MAP4K1: variants seen among roughly 807,000 people sequenced by gnomAD.
MAP4K1 encodes the protein mitogen-activated protein kinase kinase kinase kinase 1, also known as MAPK/ERK kinase kinase kinase 1.
A neutral mutation model predicts 122.8 loss-of-function variants in MAP4K1; 35 were observed. The observed-to-expected ratio is 0.29, with a 90% confidence interval of 0.22 to 0.38. MAP4K1 has a LOEUF of 0.38. Ranked by LOEUF, MAP4K1 falls within the 10% of genes least tolerant of loss-of-function variation. The pLI is 1.00. For missense variants in MAP4K1, 791 were observed against 1,072.6 expected (o/e 0.74, Z 3.67); for synonymous variants, 412 against 421.3 (o/e 0.98, Z 0.27).
At chr19:38,602,552 A>G (rs1184435220) in intron 19 of MAP4K1, among the ~76,000 whole-genome samples, 1 of 145,930 alleles carries the variant, frequency 6.9e-6, no homozygotes, top group African/African-American at 2.5e-5. Context: ...ATACATATAT[A>G]TACACACATA....
chr19:38,602,797 C>T (rs867054021), intron 19 of MAP4K1, among the ~76,000 whole-genome samples: 25 of 130,898 alleles, frequency 1.9e-4, no homozygotes, highest in Non-Finnish European at 2.9e-4. Flanking sequence ...TATATACACA[C>T]ATACATATAT....
chr19:38,608,820 A>C (rs904810346), intron 13 of MAP4K1, among the ~76,000 whole-genome samples: 7 of 149,190 alleles, frequency 4.7e-5, no homozygotes, highest in Admixed American at 4.0e-4. Flanking sequence ...AAAAAAAAAA[A>C]AAAAAAAAAC....
chr19:38,592,916 TCAA>T (rs1974769329), intron 30 of MAP4K1, among the ~76,000 whole-genome samples: 2 of 149,064 alleles, frequency 1.3e-5, no homozygotes, highest in African/African-American at 5.1e-5. Context: ...AAACTCCATC[TCAA>T]TAAATAAATA....
At chr19:38,610,293 C>T (rs926642119) in intron 11 of MAP4K1, among the ~76,000 whole-genome samples, 2 of 152,024 alleles carry the variant, frequency 1.3e-5, no homozygotes, top group Non-Finnish European at 2.9e-5. Flanking sequence ...GCAACCTCCA[C>T]CTCCTGGGCT....
chr19:38,603,695 C>G lies in MAP4K1; in HGVS notation c.1446+1714G>C, dbSNP rs191176238. The stretch of plus-strand genomic sequence containing the variant: ...ATAAAACATTTTTTTAAAAATTAGC[C>G]AAGCTGGGCCGGGCGCGGTGGCTCA... On this transcript the variant is annotated intron_variant, in intron 19 of 30. Transcript: ENST00000396857. Among the ~76,000 whole-genome samples the G allele has an allele frequency of 4.0e-3, 614 of 151,930 alleles. 1 individual carries two copies. The highest frequency in any genetic ancestry group is 0.014 in the African/African-American group (583 of 41,448).
chr19:38,617,306 C>A lies in MAP4K1; in HGVS notation c.248+48G>T, dbSNP rs183395758. On this transcript the variant is annotated intron_variant, in intron 3 of 30. Transcript: ENST00000396857. The surrounding 1 kb of genome is among the most constrained non-coding windows in gnomAD (Gnocchi z 4.1). The stretch of plus-strand genomic sequence containing the variant: ...TACCCCCATCAAGAAATGGGGACTC[C>A]GGGTTAGGGGCTGGGCTGGGTGCCA... The A allele has an allele frequency of 1.5e-6, 2 of 1,338,030 alleles. No homozygotes were observed. Among genetic ancestry groups the A allele is most frequent in the East Asian group, 4.6e-5 (2 of 43,646 alleles). 82.9% of individuals were successfully genotyped at this position (1,338,030 alleles called of 1,614,324 possible).
At chr19:38,614,002 C>G (rs1271927263) in intron 7 of MAP4K1, 41 bp downstream of exon 7, 4 of 1,612,432 alleles carry the variant, frequency 2.5e-6, no homozygotes, top group Admixed American at 1.7e-5. Context: ...CGCTTCCGGC[C>G]CCCCAGTCAG....
chr19:38,608,672 C>T (rs1000351892), intron 13 of MAP4K1, among the ~76,000 whole-genome samples: 1 of 151,558 alleles, frequency 6.6e-6, no homozygotes, highest in Non-Finnish European at 1.5e-5. Context: ...TGGTAGTATG[C>T]GCCTGTAATC....
rs1568623569 is a variant in MAP4K1, at chr19:38,595,931, G to GTTC, written c.2179+5_2179+7dup. 1.2e-6 allele frequency: 2 copies of GTTC among 1,612,830 alleles called. No individual in the cohort carries two copies. Among genetic ancestry groups the GTTC allele is most frequent in the African/African-American group, 2.7e-5 (2 of 74,824 alleles). On this transcript the variant is annotated splice_region_variant and intron_variant, in intron 27 of 30. Transcript: ENST00000396857. ...GTGGGGAGGAAGGGGAGGAAGGAGG[G>GTTC]TTCTCACCATCCATCAACACCATCA...
rs779155176 is a variant in MAP4K1, at chr19:38,597,855, C to T, written c.1670-261G>A. Among the ~76,000 whole-genome samples the T allele has an allele frequency of 2.7e-4, 41 of 151,994 alleles. No homozygotes were observed. Among genetic ancestry groups the T allele is most frequent in the Admixed American group, 3.9e-4 (6 of 15,218 alleles). ...TCCCTACCCTCGTGGTATTTGTAGC[C>T]GTATCAGAAACTCTGGACACATAAC... On this transcript the variant is annotated intron_variant, in intron 22 of 30. Transcript: ENST00000396857. The surrounding 1 kb of genome is among the most constrained non-coding windows in gnomAD (Gnocchi z 4.6).
chr19:38,600,033 G>T, intron 21 of MAP4K1, 44 bp downstream of exon 21: 1 of 1,613,950 alleles, frequency 6.2e-7, no homozygotes, highest in South Asian at 1.1e-5. Flanking sequence ...AGCAACCCCC[G>T]ACTCCGGCCC....
intron 11 of MAP4K1, 79 bp from the exon 12 acceptor site, chr19:38,610,104 C>CAGAG: frequency 3.9e-6 from 4 of 1,016,238 alleles, no homozygotes; most frequent in Middle Eastern, 2.1e-4. Flanking sequence ...AGGACTGGTA[C>CAGAG]AGGGCCTTGG....
Position 38,605,674 on chromosome 19 carries a change from C to T in MAP4K1, c.1257G>A (p.Gln419=). ...EGPGSMGDDG[Q]LSPGVLVRCA... is the part of the protein sequence containing the mutation. ...ACCGGACCAGCACCCCCGGGCTCAGCTGCCCATCATCCCCCATGCTCCCAG... is the reference window on the plus strand; with the variant it reads ...ACCGGACCAGCACCCCCGGGCTCAGTTGCCCATCATCCCCCATGCTCCCAG... Residue 419 remains glutamine, a synonymous_variant, in exon 18 of 31, where the codon CAG becomes CAA. Transcript: ENST00000396857. The T allele has an allele frequency of 6.2e-7, 1 of 1,606,722 alleles. No individual in the cohort carries two copies. The highest frequency in any genetic ancestry group is 8.5e-7 in the Non-Finnish European group (1 of 1,178,318).
chr19:38,593,151 A>G, intron 30 of MAP4K1, 131 bp downstream of exon 30: 5 of 742,130 alleles, frequency 6.7e-6, no homozygotes, highest in Non-Finnish European at 1.1e-5. Flanking sequence ...TCTAGGGAGC[A>G]GGGATGGAAG....
rs148433345 is a variant in MAP4K1 at position 38,596,614 on chromosome 19, G to C, written c.1942-128C>G. 1,014 of 827,756 alleles carry C rather than the reference G, an allele frequency of 1.2e-3. 4 individuals carry two copies. The African/African-American group carries it at 0.016, about 13-fold the overall frequency. The allele number at this position is 827,756 out of a possible 1,614,324, so 51.3% of individuals were successfully genotyped here. On this transcript the variant is annotated intron_variant, in intron 25 of 30. Transcript: ENST00000396857. ...GTCTTGGGGGATGCCGTCTAGAAAT[G>C]TCAGGGGATAAGGCCTGGTGCCTCC...
chr19:38,609,870 C>A, intron 12 of MAP4K1, 39 bp downstream of exon 12: 1 of 1,562,070 alleles, frequency 6.4e-7, no homozygotes. Context: ...TGAGAAAGAC[C>A]GAGAGGTCCC....
intron 12 of MAP4K1, 63 bp from the exon 13 acceptor site, chr19:38,609,737 G>GGTCC: frequency 6.8e-7 from 1 of 1,466,806 alleles, no homozygotes; most frequent in Non-Finnish European, 9.4e-7. Context: ...CCCTGCCCGG[G>GGTCC]GTCCATCTGC....
chr19:38,617,102 C>T lies in MAP4K1; in HGVS notation c.248+252G>A, dbSNP rs892880504. Among the ~76,000 whole-genome samples the T allele has an allele frequency of 9.9e-5, 15 of 151,852 alleles. No homozygotes were observed. Among genetic ancestry groups the T allele is most frequent in the Non-Finnish European group, 1.2e-4 (8 of 67,976 alleles). On this transcript the variant is annotated intron_variant, in intron 3 of 30. Coordinates refer to ENST00000396857, the MANE Select transcript of MAP4K1 (RefSeq NM_001042600.3). The surrounding 1 kb of genome is among the most constrained non-coding windows in gnomAD (Gnocchi z 4.1). ...CTCTACTAAAAATACAAAAATTTGC[C>T]GGGCAGGGTGGTGAGCGCCTGTAAT... is the stretch of plus-strand genomic sequence containing the variant.
chr19:38,609,767 G>A (rs1434064743), intron 12 of MAP4K1, 93 bp from the exon 13 acceptor site: 2 of 1,348,334 alleles, frequency 1.5e-6, no homozygotes, highest in Admixed American at 1.9e-5. Flanking sequence ...TAACCCTCTG[G>A]GCACACAGCC....
Sources: gnomAD v4.1 joint callset for allele counts (sites outside exome capture counted in the v4.1 genomes callset) on GRCh38, gnomAD v4.1.1 for gene constraint, Gnocchi (gnomAD v3.1) non-coding constraint, MANE v1.5 for transcripts, NCBI Gene and HGNC (gene_info 2026-07-23, HGNC 2026-07-21) for gene names.